PTPRM: variants seen among roughly 807,000 people sequenced by gnomAD.
PTPRM encodes the protein receptor-type tyrosine-protein phosphatase mu.
In PTPRM, 47 loss-of-function variants were observed where a neutral mutation model predicts 186.7. The ratio of observed to expected loss-of-function variants is 0.25; its 90% CI spans 0.20 to 0.32. The LOEUF (loss-of-function observed/expected upper bound fraction) is 0.32. PTPRM is among the 10% of genes least tolerant of loss of function. PTPRM has a pLI of 1.00. For synonymous variants in PTPRM, 668 were observed against 674.9 expected, an observed-to-expected ratio of 0.99 and a Z score of 0.16; for missense variants, 1,494 against 1,865.0, an observed-to-expected ratio of 0.80 and a Z score of 3.66.
Position 7,740,581 on chromosome 18 carries a change from G to C in PTPRM, c.74-33568G>C, listed in dbSNP as rs147494807. 6.4e-3 allele frequency among the ~76,000 whole-genome samples: 969 copies of C among 152,194 alleles called. 13 individuals are homozygous for C. Among genetic ancestry groups the C allele is most frequent in the African/African-American group, 0.022 (925 of 41,538 alleles). On this transcript the variant is annotated intron_variant, in intron 1 of 32. Transcript: ENST00000580170. The stretch of plus-strand genomic sequence containing the variant: ...CTCCAAGCATGTGCCGCCGCTCCTG[G>C]CTAATTTTTAAAAATTTATGTAGAG...
At chr18:7,991,526 C>CT (rs1390150327) in intron 7 of PTPRM, among the ~76,000 whole-genome samples, 1 of 152,130 alleles carries the variant, frequency 6.6e-6, no homozygotes, top group African/African-American at 2.4e-5. Context: ...GGCAGTAGCA[C>CT]ATAATAGAAT....
At chr18:8,094,809 T>A (rs995571032) in intron 11 of PTPRM, among the ~76,000 whole-genome samples, 1 of 152,168 alleles carries the variant, frequency 6.6e-6, no homozygotes. Context: ...ATTCAAATAA[T>A]CACTCACTTT....
At chr18:7,933,469 TTGTGTG>T (rs2051607890) in intron 5 of PTPRM, among the ~76,000 whole-genome samples, 2 of 152,150 alleles carry the variant, frequency 1.3e-5, no homozygotes, top group South Asian at 4.1e-4. Context: ...GGCATTAAGT[TTGTGTG>T]TGCAAGACAT....
chr18:8,349,574 C>G (rs532778143), intron 23 of PTPRM, among the ~76,000 whole-genome samples: 1 of 151,966 alleles, frequency 6.6e-6, no homozygotes, highest in African/African-American at 2.4e-5. Context: ...TAAGCCTTAC[C>G]TCCCTCCTGC....
intron 8 of PTPRM, 124 bp downstream of exon 8, chr18:8,070,118 G>A (rs2089370248): frequency 1.2e-6 from 1 of 832,188 alleles, no homozygotes; most frequent in African/African-American, 1.7e-5. Flanking sequence ...ACACAAATGT[G>A]TATCTGTACT....
At chr18:8,075,266 CTA>C (rs10583079) in intron 8 of PTPRM, among the ~76,000 whole-genome samples, 94,270 of 151,104 alleles carry the variant, frequency 0.62, 29,523 homozygotes, top group African/African-American at 0.67. Flanking sequence ...ATCTATCTAT[CTA>C]TATATATATA....
chr18:7,943,315 C>G (rs2052312254), intron 5 of PTPRM, among the ~76,000 whole-genome samples: 1 of 152,198 alleles, frequency 6.6e-6, no homozygotes, highest in South Asian at 2.1e-4. Context: ...GGTCTGGCCT[C>G]TGCTCATTTC....
intron 2 of PTPRM, among the ~76,000 whole-genome samples, chr18:7,812,565 T>C (rs528115754): frequency 2.6e-4 from 40 of 152,272 alleles, no homozygotes; most frequent in Middle Eastern, 3.4e-3. Context: ...ATGGACTCTT[T>C]CTCTTCCCTA....
chr18:8,088,978 A>G, intron 11 of PTPRM, 127 bp downstream of exon 11: 2 of 664,516 alleles, frequency 3.0e-6, no homozygotes. Context: ...TATGTTTATT[A>G]GCTCTAATTA....
At chr18:7,906,680 C>A in intron 4 of PTPRM, 97 bp downstream of exon 4, 1 of 980,104 alleles carries the variant, frequency 1.0e-6, no homozygotes. Flanking sequence ...AAGAGGTCAT[C>A]TTGCCAAGAC....
In PTPRM at chr18:7,985,252, CAT is replaced by C. The variant is rs1261538564; in HGVS notation, c.1132+29842_1132+29843del. Among the ~76,000 whole-genome samples, 71 of 74,830 alleles carry C rather than the reference CAT, an allele frequency of 9.5e-4. 2 individuals are homozygous for C. Among genetic ancestry groups the C allele is most frequent in the African/African-American group, 3.3e-3 (49 of 14,952 alleles). 49.1% of individuals were successfully genotyped at this position (74,830 alleles called of 152,430 possible). On this transcript the variant is annotated intron_variant, in intron 7 of 32. Transcript: ENST00000580170. ...ATATATACATATAATTGTATATACA[CAT>C]ATAAATATATACATATAATAGTATA...
intron 14 of PTPRM, among the ~76,000 whole-genome samples, chr18:8,210,824 A>G (rs1179979109): frequency 6.6e-6 from 1 of 152,212 alleles, no homozygotes; most frequent in Non-Finnish European, 1.5e-5. Context: ...AGGAACTAGC[A>G]AAGCAAACTG....
chr18:7,659,555 C>T (rs2038931969), intron 1 of PTPRM, among the ~76,000 whole-genome samples: 1 of 152,176 alleles, frequency 6.6e-6, no homozygotes, highest in Non-Finnish European at 1.5e-5. Flanking sequence ...CCTTGCTTAA[C>T]TGACATTCCA....
chr18:7,713,697 CAAA>C (rs139119900), intron 1 of PTPRM, among the ~76,000 whole-genome samples: 65 of 115,874 alleles, frequency 5.6e-4, no homozygotes, highest in Admixed American at 7.7e-4. Flanking sequence ...AAATGGAAAG[CAAA>C]AAAAAAAAAA....
chr18:7,732,308 G>A (rs1299304264), intron 1 of PTPRM, among the ~76,000 whole-genome samples: 2 of 152,088 alleles, frequency 1.3e-5, no homozygotes, highest in African/African-American at 4.8e-5. Flanking sequence ...CGAAGGTGGT[G>A]TCTTAAGCAG....
intron 8 of PTPRM, among the ~76,000 whole-genome samples, chr18:8,072,040 T>C (rs1015572936): frequency 6.6e-5 from 10 of 152,194 alleles, no homozygotes; most frequent in Non-Finnish European, 1.3e-4. Context: ...TGCTCCCTCA[T>C]TATGTTATTT....
intron 1 of PTPRM, among the ~76,000 whole-genome samples, chr18:7,641,379 AAGAG>A (rs1289731046): frequency 3.9e-5 from 6 of 152,218 alleles, no homozygotes; most frequent in Admixed American, 3.3e-4. Flanking sequence ...GAAAAGGAGA[AAGAG>A]AGACAGGAAA....
At chr18:8,035,237 C>G (rs143081200) in intron 7 of PTPRM, among the ~76,000 whole-genome samples, 177 of 152,294 alleles carry the variant, frequency 1.2e-3, no homozygotes, top group African/African-American at 4.0e-3. Flanking sequence ...CAGGCTGCAT[C>G]TTCAAAATTT....
intron 14 of PTPRM, among the ~76,000 whole-genome samples, chr18:8,222,636 A>T (rs762354142): frequency 6.6e-6 from 1 of 152,216 alleles, no homozygotes; most frequent in Admixed American, 6.5e-5. Context: ...AGGGAAAATC[A>T]GTTTTCCTAA....
Sources: gnomAD v4.1 joint callset for allele counts (sites outside exome capture counted in the v4.1 genomes callset) on GRCh38, gnomAD v4.1.1 for gene constraint, MANE v1.5 for transcripts, NCBI Gene and HGNC (gene_info 2026-07-23, HGNC 2026-07-21) for gene names.